The following SSUH2 variants were observed in gnomAD, a reference collection of about 807,000 sequenced individuals.
The protein encoded by SSUH2 is protein SSUH2 homolog.
Under a neutral mutation model 55.3 loss-of-function variants are expected in SSUH2, and 47 were observed. The ratio of observed to expected loss-of-function variants is 0.85; its 90% CI spans 0.67 to 1.08. SSUH2 has a LOEUF of 1.08. Ranked by LOEUF, SSUH2 falls within the 50% of genes least tolerant of loss-of-function variation. The probability of loss-of-function intolerance (pLI) is 0.00; values close to 1 mark genes in which losing one functional copy is unlikely to be tolerated. For missense variants in SSUH2, 535 were observed against 490.7 expected, an observed-to-expected ratio of 1.09 and a Z score of -0.85; for synonymous variants, 212 against 191.5, an observed-to-expected ratio of 1.11 and a Z score of -0.89.
At chr3:8,634,893 G>A (rs1448848542) in intron 3 of SSUH2, among the ~76,000 whole-genome samples, 2 of 152,200 alleles carry the variant, frequency 1.3e-5, no homozygotes, top group African/African-American at 4.8e-5. Context: ...CTTCTGCAAA[G>A]GGCCACATAG....
chr3:8,669,699 C>T (rs1704333990), intron 5 of SSUH2, among the ~76,000 whole-genome samples: 1 of 152,194 alleles, frequency 6.6e-6, no homozygotes, highest in African/African-American at 2.4e-5. Flanking sequence ...GAGCACATCA[C>T]CACCATGGCA....
chr3:8,629,163 C>G (rs1373347058), intron 7 of SSUH2: 1 of 154,578 alleles, frequency 6.5e-6, no homozygotes. Context: ...CCAGCTGTGT[C>G]TGTTGTTTTA....
At chr3:8,674,694 C>G (rs1223749879) in intron 3 of SSUH2, among the ~76,000 whole-genome samples, 2 of 152,140 alleles carry the variant, frequency 1.3e-5, no homozygotes, top group Non-Finnish European at 2.9e-5. Flanking sequence ...AAGGGACTTG[C>G]TCAGCAAGCT....
chr3:8,671,984 T>C (rs1036683107), exon 4 of SSUH2: 1 of 152,104 alleles, frequency 6.6e-6, no homozygotes, highest in African/African-American at 2.4e-5. Context: ...AACTATATTA[T>C]AGACGGGTGT....
At chr3:8,631,458 T>C (rs753329259) in intron 5 of SSUH2, among the ~76,000 whole-genome samples, 6 of 152,066 alleles carry the variant, frequency 3.9e-5, no homozygotes, top group Non-Finnish European at 5.9e-5. Context: ...AAGAGTTGCA[T>C]AAAGGGCTCT....
chr3:8,649,242 C>A (rs573804585), upstream of SSUH2, among the ~76,000 whole-genome samples: 1 of 152,328 alleles, frequency 6.6e-6, no homozygotes, highest in Admixed American at 6.5e-5. Context: ...GCAACAGGAA[C>A]TTTCGCCACA....
upstream of SSUH2, among the ~76,000 whole-genome samples, chr3:8,649,130 G>A (rs1702085179): frequency 6.6e-6 from 1 of 152,144 alleles, no homozygotes; most frequent in South Asian, 2.1e-4. Context: ...AAATCCTGCT[G>A]CCTTTGCTTC....
Position 8,633,895 on chromosome 3 carries a change from C to T in SSUH2, c.210-100G>A, listed in dbSNP as rs772742126. 1.9e-6 allele frequency: 3 copies of T among 1,613,984 alleles called. No homozygotes were observed. In the South Asian group the frequency reaches 3.3e-5, roughly 18 times the overall value. ...CAACGTGCAGGCGAGAAACTGAGGC[C>T]ACGGTAGTGGTAAAGCCCTCAGCAG... On this transcript the variant is annotated intron_variant, in intron 3 of 11. Transcript: ENST00000544814.
chr3:8,647,608 G>C (rs970475454), upstream of SSUH2, among the ~76,000 whole-genome samples: 2 of 152,176 alleles, frequency 1.3e-5, no homozygotes, highest in African/African-American at 4.8e-5. Context: ...TTTTGTCTCA[G>C]AGAAGCCGGC....
chr3:8,633,924 A>C, intron 3 of SSUH2, 129 bp from the exon 4 acceptor site: 3 of 1,614,018 alleles, frequency 1.9e-6, no homozygotes, highest in Non-Finnish European at 2.5e-6. Flanking sequence ...TCAGCAGTCC[A>C]ACTGGGGAGG....
chr3:8,650,408 T>C (rs577298980), intron 7 of SSUH2, among the ~76,000 whole-genome samples: 4 of 152,362 alleles, frequency 2.6e-5, no homozygotes, highest in Admixed American at 6.5e-5. Context: ...TGGAAAATAA[T>C]AGATGCTCTA....
intron 6 of SSUH2, among the ~76,000 whole-genome samples, chr3:8,630,506 A>G (rs1304417815): frequency 6.6e-6 from 1 of 152,230 alleles, no homozygotes; most frequent in Non-Finnish European, 1.5e-5. Flanking sequence ...TTTTTAAAAA[A>G]GATGAAAACT....
chr3:8,626,415 G>T, intron 8 of SSUH2, 94 bp from the exon 9 acceptor site: 1 of 880,226 alleles, frequency 1.1e-6, no homozygotes, highest in South Asian at 1.4e-5. Flanking sequence ...CCTGGAGGTA[G>T]ACTGTGGTGG....
intron 2 of SSUH2, among the ~76,000 whole-genome samples, chr3:8,679,144 CGCGAGG>C (rs1705737851): frequency 1.9e-5 from 2 of 104,582 alleles, no homozygotes; most frequent in Non-Finnish European, 4.5e-5. Flanking sequence ...GAGGCACCCC[CGCGAGG>C]CGGGGACTGA....
At chr3:8,635,920 A>G in intron 1 of SSUH2, 63 bp from the exon 2 acceptor site, 1 of 1,402,520 alleles carries the variant, frequency 7.1e-7, no homozygotes, top group Non-Finnish European at 9.6e-7. Flanking sequence ...AGGGCTTCAC[A>G]GGAAGTTGAG....
At chr3:8,637,291 A>C (rs980125190) in intron 1 of SSUH2, among the ~76,000 whole-genome samples, 7 of 152,188 alleles carry the variant, frequency 4.6e-5, no homozygotes. Context: ...CAAAACTATG[A>C]AAAAATCATT....
At chr3:8,681,493 C>A (rs1390088698) in intron 1 of SSUH2, among the ~76,000 whole-genome samples, 1 of 142,710 alleles carries the variant, frequency 7.0e-6, no homozygotes, top group South Asian at 2.3e-4. Flanking sequence ...AGGCAGCCCC[C>A]ACGAGGCGGG....
intron 6 of SSUH2, among the ~76,000 whole-genome samples, chr3:8,662,661 C>T (rs1291035452): frequency 2.0e-5 from 3 of 152,236 alleles, no homozygotes; most frequent in Non-Finnish European, 4.4e-5. Flanking sequence ...TGGCCCTACT[C>T]AGGAACAAGG....
At chr3:8,676,951 A>G (rs1375812940) in intron 3 of SSUH2, among the ~76,000 whole-genome samples, 2 of 134,038 alleles carry the variant, frequency 1.5e-5, no homozygotes, top group African/African-American at 5.6e-5. Flanking sequence ...TACGGGGGGA[A>G]GGCATCCCCC....
Sources: gnomAD v4.1 joint callset for allele counts (sites outside exome capture counted in the v4.1 genomes callset) on GRCh38, gnomAD v4.1.1 for gene constraint, MANE v1.5 for transcripts, NCBI Gene and HGNC (gene_info 2026-07-23, HGNC 2026-07-21) for gene names.